FSTL1: variants seen among roughly 807,000 people sequenced by gnomAD.
FSTL1 encodes the protein follistatin-related protein 1.
A neutral mutation model predicts 45.9 loss-of-function variants in FSTL1; 24 were observed. The observed-to-expected ratio is 0.52, with a 90% CI of 0.38 to 0.74. FSTL1 has a LOEUF of 0.74. FSTL1 is among the 30% of genes least tolerant of loss of function. FSTL1 has a pLI of 0.00. For synonymous variants in FSTL1, 120 were observed against 137.6 expected (o/e 0.87, Z 0.89); for missense variants, 340 against 381.8 (o/e 0.89, Z 0.91).
intron 6 of FSTL1, among the ~76,000 whole-genome samples, chr3:120,406,884 T>C (rs1936958262): frequency 6.6e-6 from 1 of 152,248 alleles, no homozygotes; most frequent in East Asian, 1.9e-4. Flanking sequence ...TTGGAAAGTT[T>C]AAATATGTAT....
chr3:120,450,663 A>T, intron 2 of FSTL1, 21 bp downstream of exon 2: 1 of 1,405,396 alleles, frequency 7.1e-7, no homozygotes, highest in Non-Finnish European at 9.3e-7. Flanking sequence ...CCGAGTTCGG[A>T]CTCCTCGGCC....
chr3:120,402,984 GTC>G, intron 8 of FSTL1, 66 bp from the exon 9 acceptor site: 1 of 1,042,124 alleles, frequency 9.6e-7, no homozygotes, highest in Non-Finnish European at 1.5e-6. Flanking sequence ...CTTTGCTACA[GTC>G]TGTGCACCTT....
chr3:120,398,083 G>A (rs371333876), intron 10 of FSTL1, among the ~76,000 whole-genome samples: 3 of 152,238 alleles, frequency 2.0e-5, no homozygotes, highest in South Asian at 4.1e-4. Flanking sequence ...GGCTGCAAAG[G>A]GCTGGAGGAA....
chr3:120,448,489 A>T (rs748875281), intron 2 of FSTL1, among the ~76,000 whole-genome samples: 6 of 152,258 alleles, frequency 3.9e-5, no homozygotes, highest in Non-Finnish European at 7.3e-5. Context: ...GCCAAATCTT[A>T]CTTGGCCAGG....
chr3:120,422,074 A>G (rs1937287768), intron 2 of FSTL1, among the ~76,000 whole-genome samples: 1 of 152,202 alleles, frequency 6.6e-6, no homozygotes, highest in Non-Finnish European at 1.5e-5. Flanking sequence ...GTCCTATTCA[A>G]TATCTGATGC....
At chr3:120,412,834 G>A (rs200468300) in intron 3 of FSTL1, among the ~76,000 whole-genome samples, 6,713 of 76,840 alleles carry the variant, frequency 0.087, 176 homozygotes, top group East Asian at 0.17. Flanking sequence ...GCGCGCGCGC[G>A]CGCGCACACA....
rs1177680046 is a variant in FSTL1 at position 120,396,234 on chromosome 3, A to G, written c.*718T>C. The G allele has an allele frequency of 6.6e-6, 1 of 152,130 alleles. No individual in the cohort carries two copies. Among genetic ancestry groups the G allele is most frequent in the South Asian group, 2.1e-4 (1 of 4,758 alleles). 9.4% of individuals were successfully genotyped at this position (152,130 alleles called of 1,614,324 possible). A position where few individuals can be genotyped will look rare whatever the true frequency, so the allele number is the denominator to read the frequency against. On this transcript the variant is annotated 3_prime_UTR_variant, in exon 11 of 11. Transcript: ENST00000295633. Reference sequence around the variant, plus strand: ...AGTCAAGAAAATAAAATATTAAAAAACAATAATATAATGATAATAATTGAA... The same window carrying G: ...AGTCAAGAAAATAAAATATTAAAAAGCAATAATATAATGATAATAATTGAA...
intron 2 of FSTL1, chr3:120,423,523 G>A (rs1042357679): frequency 2.0e-5 from 3 of 152,314 alleles, no homozygotes; most frequent in East Asian, 3.9e-4. Flanking sequence ...ATTCATCCCT[G>A]TTTGCACTGA....
At chr3:120,444,760 A>G (rs965510273) in intron 2 of FSTL1, among the ~76,000 whole-genome samples, 1 of 150,098 alleles carries the variant, frequency 6.7e-6, no homozygotes, top group Non-Finnish European at 1.5e-5. Context: ...CCATAAATCC[A>G]CTACCTACAG....
rs1245067078 is a variant in FSTL1, at chr3:120,450,937, G to A, written c.-41C>T. On this transcript the variant is annotated 5_prime_UTR_variant, in exon 1 of 11. Transcript: ENST00000295633. ...GTCTCCTGGGGGCGCGGGGCAGGAC[G>A]GCGGCAGCGAGCTGTAAGCGGAGGT... 4.2e-6 allele frequency: 2 copies of A among 479,010 alleles called. No individual in the cohort carries two copies. The highest frequency in any genetic ancestry group is 7.4e-6 in the Non-Finnish European group (2 of 272,100). The allele number at this position is 479,010 out of a possible 1,614,324, so 29.7% of individuals were successfully genotyped here.
At chr3:120,422,088 T>C (rs192934803) in intron 2 of FSTL1, among the ~76,000 whole-genome samples, 1 of 152,300 alleles carries the variant, frequency 6.6e-6, no homozygotes, top group Non-Finnish European at 1.5e-5. Context: ...CTGATGCACA[T>C]ATGGCTTATC....
At chr3:120,450,787 CCCGCGCT>C in intron 1 of FSTL1, 41 bp from the exon 2 acceptor site, 1 of 1,434,764 alleles carries the variant, frequency 7.0e-7, no homozygotes, top group Non-Finnish European at 9.2e-7. Context: ...GGCGCCGGGC[CCCGCGCT>C]GACCTGGGAA....
At chr3:120,450,485 C>T (rs950862836) in intron 2 of FSTL1, among the ~76,000 whole-genome samples, 199 bp downstream of exon 2, 1 of 152,146 alleles carries the variant, frequency 6.6e-6, no homozygotes, top group Admixed American at 6.5e-5. Context: ...CCGCTTACGG[C>T]CCGAACTACT....
chr3:120,402,144 C>G (rs959506098), intron 9 of FSTL1, among the ~76,000 whole-genome samples: 7 of 152,200 alleles, frequency 4.6e-5, no homozygotes, highest in African/African-American at 1.7e-4. Context: ...TCTGTCTCCC[C>G]AGACCACCCT....
At chr3:120,412,620 C>G (rs1195562425) in intron 3 of FSTL1, among the ~76,000 whole-genome samples, 3 of 152,120 alleles carry the variant, frequency 2.0e-5, no homozygotes, top group South Asian at 4.1e-4. Flanking sequence ...CAAAGACACC[C>G]CCCACATCAA....
At chr3:120,431,358 C>T (rs1937475024) in intron 2 of FSTL1, among the ~76,000 whole-genome samples, 1 of 152,130 alleles carries the variant, frequency 6.6e-6, no homozygotes, top group Non-Finnish European at 1.5e-5. Flanking sequence ...CAAAATATTA[C>T]CATCTCAACA....
At chr3:120,428,765 AC>A (rs1937428171) in intron 2 of FSTL1, among the ~76,000 whole-genome samples, 2 of 151,708 alleles carry the variant, frequency 1.3e-5, no homozygotes, top group South Asian at 2.1e-4. Flanking sequence ...AACAACAACA[AC>A]AACAACAAAA....
chr3:120,398,742 T>G (rs557169811), intron 10 of FSTL1, among the ~76,000 whole-genome samples: 1 of 152,362 alleles, frequency 6.6e-6, no homozygotes, highest in Non-Finnish European at 1.5e-5. Flanking sequence ...CTGAGGGGAC[T>G]CACATCAAAC....
At chr3:120,419,120 T>G (rs1048469625) in intron 2 of FSTL1, 2 of 152,234 alleles carry the variant, frequency 1.3e-5, no homozygotes, top group Non-Finnish European at 2.9e-5. Context: ...AGCCCAGCAC[T>G]GCAATGCAGA....
Sources: allele counts gnomAD v4.1 joint callset (sites outside exome capture counted in the v4.1 genomes callset), GRCh38; gene constraint gnomAD v4.1.1; transcripts MANE v1.5; gene names NCBI Gene and HGNC (gene_info 2026-07-23, HGNC 2026-07-21).